CEP85: variants seen among roughly 807,000 people sequenced by gnomAD.
CEP85 encodes the protein centrosomal protein of 85 kDa.
In CEP85, 58 loss-of-function variants were observed where a neutral mutation model predicts 93.7. The ratio of observed to expected loss-of-function variants is 0.62; its 90% CI spans 0.50 to 0.77. CEP85 has a LOEUF of 0.77. Among genes scored for constraint, CEP85 ranks in the 30% least tolerant of loss-of-function variants. The probability of loss-of-function intolerance (pLI) is 0.00; values close to 1 mark genes in which losing one functional copy is unlikely to be tolerated. For synonymous variants in CEP85, 314 were observed against 338.6 expected (o/e 0.93, Z 0.80); for missense variants, 868 against 922.0 (o/e 0.94, Z 0.76).
chr1:26,236,964 G>A (rs1487285208), intron 1 of CEP85, among the ~76,000 whole-genome samples: 1 of 152,176 alleles, frequency 6.6e-6, no homozygotes, highest in Non-Finnish European at 1.5e-5. Flanking sequence ...TTGTACAGAT[G>A]AAGCCTCCAA....
At chr1:26,261,176 TTTAAAG>T (rs1228430698) in intron 7 of CEP85, among the ~76,000 whole-genome samples, 2 of 151,830 alleles carry the variant, frequency 1.3e-5, no homozygotes, top group Admixed American at 6.6e-5. Context: ...AAAAAGAAAA[TTTAAAG>T]TTGAGTTAGG....
At chr1:26,238,098 CAA>C (rs1458599579) in intron 1 of CEP85, among the ~76,000 whole-genome samples, 3 of 146,420 alleles carry the variant, frequency 2.0e-5, no homozygotes, top group Non-Finnish European at 4.5e-5. Flanking sequence ...CTCTTAGTAA[CAA>C]GAGAATACTA....
chr1:26,275,758 AC>A (rs2090045065), intron 12 of CEP85, among the ~76,000 whole-genome samples: 2 of 152,064 alleles, frequency 1.3e-5, no homozygotes, highest in Non-Finnish European at 2.9e-5. Flanking sequence ...CTAGGAAGGA[AC>A]CTCCTTGAGT....
In CEP85 at chr1:26,274,937, C is replaced by T. The variant is rs748604629; in HGVS notation, c.1795-27C>T. ...CCAGACTTGTTACCCCTACTGTGTT[C>T]CCTCAACATCTTGCTGTGTGATTCA... On this transcript the variant is annotated intron_variant, in intron 11 of 13. Coordinates refer to ENST00000451429, the MANE Select transcript of CEP85 (RefSeq NM_001319944.2). 3 of 1,533,490 alleles carry T rather than the reference C, an allele frequency of 2.0e-6. No individual in the cohort carries two copies. The South Asian group carries it at 3.6e-5, about 18-fold the overall frequency. 95.0% of individuals were successfully genotyped at this position (1,533,490 alleles called of 1,614,324 possible).
At chr1:26,238,349 T>G (rs1391273612) in intron 1 of CEP85, among the ~76,000 whole-genome samples, 1 of 151,572 alleles carries the variant, frequency 6.6e-6, no homozygotes. Flanking sequence ...TACAGGCGCC[T>G]GCCACCATGC....
At chr1:26,250,914 CTTTTTTTTTTCTTTTTTCTTTTTTTTTTT>C (rs2089597492) in intron 3 of CEP85, among the ~76,000 whole-genome samples, 1 of 116,922 alleles carries the variant, frequency 8.6e-6, no homozygotes, top group Admixed American at 9.7e-5. Flanking sequence ...CCAAGCTTGC[CTTTTTTTTTTCTTTTTTCTTTTTTTTTTT>C]TTTTTTTTTT....
rs924410651 is a variant in CEP85, at chr1:26,260,016, A to G, written c.1341+214A>G. 4.6e-5 allele frequency among the ~76,000 whole-genome samples: 7 copies of G among 152,160 alleles called. No individual in the cohort carries two copies. In the East Asian group the frequency reaches 1.2e-3, roughly 25 times the overall value. ...TTTGCTTCATCTCCACAAAACCACA[A>G]CAGTCAGAGAAAGTTGTATGATCCC... On this transcript the variant is annotated intron_variant, in intron 7 of 13. Coordinates refer to ENST00000451429, the MANE Select transcript of CEP85 (RefSeq NM_001319944.2).
intron 3 of CEP85, among the ~76,000 whole-genome samples, chr1:26,250,593 T>C (rs951625131): frequency 1.3e-5 from 2 of 152,216 alleles, no homozygotes; most frequent in South Asian, 4.1e-4. Flanking sequence ...GTTAAAAATG[T>C]GGACAAAGAC....
Position 26,268,615 on chromosome 1 carries a change from C to T in CEP85, c.1474C>T (p.His492Tyr), listed in dbSNP as rs1335486584. 2 of 1,611,126 alleles carry T rather than the reference C, an allele frequency of 1.2e-6. No homozygotes were observed. Among genetic ancestry groups the T allele is most frequent in the Non-Finnish European group, 1.7e-6 (2 of 1,178,704 alleles). ...GGCTGACCTGCCCACACTGGAAGAC[C>T]ATCAGAAGCAGAGCCAGCAGGTAGC... ...YLADLPTLEDHQKQSQQLKDS... is the reference protein window; with the variant it reads ...YLADLPTLEDYQKQSQQLKDS... The change falls in exon 8 of 14, where the codon CAT (histidine) becomes TAT (tyrosine). Residue 492 changes from histidine (H) to tyrosine (Y), a missense_variant. By Grantham distance (83) the His-to-Tyr change is moderately conservative. Transcript: ENST00000451429.
At position 26,274,951 on chromosome 1, in the gene CEP85, CTG is replaced by C; in HGVS notation, c.1795-8_1795-7del. 1 of 1,553,392 alleles carries C rather than the reference CTG, an allele frequency of 6.4e-7. No homozygotes were observed. On this transcript the variant is annotated splice_polypyrimidine_tract_variant and intron_variant, in intron 11 of 13. Coordinates refer to ENST00000451429, the MANE Select transcript of CEP85 (RefSeq NM_001319944.2). ...CCTACTGTGTTCCCTCAACATCTTG[CTG>C]TGTGATTCAGAGCCTAGAGCAGGAA...
rs552362676 is a variant in CEP85, at chr1:26,276,603, A to G, written c.1971A>G (p.Gln657=). 3 of 1,614,216 alleles carry G rather than the reference A, an allele frequency of 1.9e-6. No individual in the cohort carries two copies. The highest frequency in any genetic ancestry group is 2.7e-5 in the African/African-American group (2 of 75,054). ...TCCAGGAACACCTGCGCCAGGCCCA[A>G]CCAGGGTCTCCACCTTCACCAGACA... ...LTLQEHLRQA[Q]PGSPPSPDTA... Residue 657 remains glutamine, a synonymous_variant, in exon 13 of 14, where the codon CAA becomes CAG. Transcript: ENST00000451429.
intron 12 of CEP85, 53 bp downstream of exon 12, chr1:26,275,124 T>C (rs748613853): frequency 2.2e-6 from 3 of 1,343,156 alleles, no homozygotes; most frequent in Admixed American, 2.0e-5. Context: ...CCCGATTTCT[T>C]TGTTTGCCCT....
intron 7 of CEP85, among the ~76,000 whole-genome samples, 161 bp from the exon 8 acceptor site, chr1:26,268,322 G>A (rs2089922129): frequency 6.6e-6 from 1 of 152,168 alleles, no homozygotes; most frequent in African/African-American, 2.4e-5. Context: ...GCCTGCCGTG[G>A]TAGTGTGTGC....
Position 26,257,622 on chromosome 1 carries a change from A to C in CEP85, c.929A>C (p.His310Pro), listed in dbSNP as rs1202406917. 13 of 1,614,084 alleles carry C rather than the reference A, an allele frequency of 8.1e-6. No individual in the cohort carries two copies. Among genetic ancestry groups the C allele is most frequent in the Middle Eastern group, 1.6e-4 (1 of 6,074 alleles). Residue 310 changes from histidine (H) to proline (P), a missense_variant, in exon 5 of 14, where the codon CAT (histidine) becomes CCT (proline). Coordinates refer to ENST00000451429, the MANE Select transcript of CEP85 (RefSeq NM_001319944.2). Reference protein sequence around the residue: ...MQLQNGAICHHPAAFGPSLPI... With the variant: ...MQLQNGAICHPPAAFGPSLPI... ...CTTCAGAATGGAGCCATCTGCCACC[A>C]TCCTGCTGCTTTTGGTCCTTCACTG...
At chr1:26,270,974 G>A (rs2089965144) in intron 9 of CEP85, 40 bp from the exon 10 acceptor site, 1 of 1,269,710 alleles carries the variant, frequency 7.9e-7, no homozygotes, top group Non-Finnish European at 1.2e-6. Context: ...AGCCACTTGT[G>A]TCTAACTTCA....
chr1:26,251,836 C>G (rs917814652), intron 3 of CEP85, among the ~76,000 whole-genome samples: 1 of 152,146 alleles, frequency 6.6e-6, no homozygotes, highest in African/African-American at 2.4e-5. Context: ...AGCAACCCCT[C>G]ATGTGCTACA....
At chr1:26,258,037 C>G (rs917164993) in intron 5 of CEP85, 106 bp from the exon 6 acceptor site, 4 of 779,188 alleles carry the variant, frequency 5.1e-6, no homozygotes, top group South Asian at 1.6e-5. Flanking sequence ...ATAGTGATAT[C>G]CAGAATCTAA....
chr1:26,246,220 C>T (rs183627466), intron 3 of CEP85, among the ~76,000 whole-genome samples: 102 of 152,212 alleles, frequency 6.7e-4, no homozygotes, highest in Admixed American at 9.8e-4. Context: ...AGAGTTATTC[C>T]TGACCCGATA....
In CEP85 at chr1:26,259,764, C is replaced by G. The variant is rs751063477; in HGVS notation, c.1303C>G (p.Gln435Glu). The change falls in exon 7 of 14, where the codon CAG (glutamine) becomes GAG (glutamate). Residue 435 changes from glutamine (Q) to glutamate (E), a missense_variant. Gln to Glu is a conservative substitution (Grantham distance 29). Coordinates refer to ENST00000451429, the MANE Select transcript of CEP85 (RefSeq NM_001319944.2). ...CAGAGAGTCGCTCAAAGTGGCGTTGCAGAAGCATTCTGAGGAAGTGAAGAA... is the reference window on the plus strand; with the variant it reads ...CAGAGAGTCGCTCAAAGTGGCGTTGGAGAAGCATTCTGAGGAAGTGAAGAA... ...LIRESLKVAL[Q>E]KHSEEVKKQE... 6.2e-7 allele frequency: 1 copy of G among 1,613,394 alleles called. No individual in the cohort carries two copies. Among genetic ancestry groups the G allele is most frequent in the East Asian group, 2.2e-5 (1 of 44,874 alleles).
Sources: allele counts gnomAD v4.1 joint callset (sites outside exome capture counted in the v4.1 genomes callset), GRCh38; gene constraint gnomAD v4.1.1; transcripts MANE v1.5; gene names NCBI Gene and HGNC (gene_info 2026-07-23, HGNC 2026-07-21).